Variants in PSPC1 observed in about 807,000 individuals in gnomAD.
PSPC1 encodes the protein paraspeckle protein 1.
Under a neutral mutation model 51.6 loss-of-function variants are expected in PSPC1, and 14 were observed. That is an observed-to-expected ratio of 0.27 (90% CI 0.18 to 0.42). PSPC1 has a LOEUF of 0.42. Among genes scored for constraint, PSPC1 ranks in the 10% least tolerant of loss-of-function variants. The pLI is 1.00. For missense variants in PSPC1, 406 were observed against 701.1 expected (o/e 0.58, Z 4.75); for synonymous variants, 193 against 231.9 (o/e 0.83, Z 1.53).
chr13:19,711,257 C>T (rs201403359), intron 6 of PSPC1, among the ~76,000 whole-genome samples: 35 of 152,190 alleles, frequency 2.3e-4, no homozygotes, highest in African/African-American at 8.2e-4. Context: ...CAGTGGCTCA[C>T]GCCAGTAATC....
intron 3 of PSPC1, among the ~76,000 whole-genome samples, chr13:19,753,151 C>T (rs1199689346): frequency 6.6e-6 from 1 of 151,778 alleles, no homozygotes; most frequent in African/African-American, 2.4e-5. Context: ...GGCGTGGTGG[C>T]GGGTGCCTGC....
chr13:19,687,783 C>T (rs1181343665), intron 6 of PSPC1, among the ~76,000 whole-genome samples: 3 of 152,076 alleles, frequency 2.0e-5, no homozygotes, highest in Admixed American at 1.3e-4. Context: ...CATTCAAATG[C>T]ATCCCACTGC....
At chr13:19,780,623 AAG>A (rs1328322343) in intron 1 of PSPC1, among the ~76,000 whole-genome samples, 23 of 124,610 alleles carry the variant, frequency 1.8e-4, no homozygotes, top group African/African-American at 6.7e-4. Context: ...CATGCTCGTT[AAG>A]AGTCATCACC....
intron 6 of PSPC1, among the ~76,000 whole-genome samples, chr13:19,695,105 G>A (rs557597963): frequency 7.9e-5 from 12 of 152,182 alleles, no homozygotes; most frequent in Non-Finnish European, 1.5e-4. Context: ...TCTATGCTGT[G>A]TTTATGACCT....
intron 6 of PSPC1, among the ~76,000 whole-genome samples, chr13:19,723,625 C>G (rs562149645): frequency 6.6e-6 from 1 of 152,254 alleles, no homozygotes; most frequent in Admixed American, 6.5e-5. Context: ...AACTCAACAC[C>G]TGGTTAAAAC....
chr13:19,717,973 A>G (rs1428330601), intron 6 of PSPC1, among the ~76,000 whole-genome samples: 2 of 151,998 alleles, frequency 1.3e-5, no homozygotes, highest in Non-Finnish European at 2.9e-5. Context: ...GAGGTCAGGA[A>G]TTAGAGGTAT....
chr13:19,730,247 T>C lies in PSPC1; in HGVS notation c.1150A>G (p.Met384Val), dbSNP rs372707662. The change falls in exon 6 of 9, where the codon ATG becomes GTG. Residue 384 changes from methionine (M) to valine (V), a missense_variant. Physicochemically the swap from Met to Val is conservative, Grantham distance 21. Around this residue, in one of 5 missense-constraint regions of PSPC1, gnomAD observed 61 missense variants for 78.4 expected, o/e 0.78. Coordinates refer to ENST00000338910, the MANE Select transcript of PSPC1 (RefSeq NM_001354909.2). ...RQQEGFKPNYMENREQEMRMG... is the reference protein window; with the variant it reads ...RQQEGFKPNYVENREQEMRMG... ...ACTAGTAGTTTACTTACATTTTCCA[T>C]GTAGTTTGGCTTAAAGCCCTCTTGC... 1.2e-6 allele frequency: 2 copies of C among 1,613,354 alleles called. No individual in the cohort carries two copies. Among genetic ancestry groups the C allele is most frequent in the Non-Finnish European group, 1.7e-6 (2 of 1,179,446 alleles).
intron 1 of PSPC1, among the ~76,000 whole-genome samples, chr13:19,779,930 C>G (rs1889724040): frequency 7.5e-6 from 1 of 132,680 alleles, no homozygotes; most frequent in African/African-American, 2.9e-5. Context: ...GCCCCCCGCC[C>G]GGCCAGCCGC....
At chr13:19,774,992 T>C (rs995608429) in intron 1 of PSPC1, among the ~76,000 whole-genome samples, 2 of 151,708 alleles carry the variant, frequency 1.3e-5, no homozygotes, top group African/African-American at 2.4e-5. Context: ...CTAGGCAACA[T>C]AGCAAGACCT....
Position 19,780,917 on chromosome 13 carries a change from G to A in PSPC1, c.372+1469C>T, listed in dbSNP as rs1369618955. ...TCACCCTGTAATCCCAGCACTTTGG[G>A]AGGCCAAGGCGGGAGGATCGTTTGA... On this transcript the variant is annotated intron_variant, in intron 1 of 8. Transcript: ENST00000338910. 5.9e-5 allele frequency among the ~76,000 whole-genome samples: 9 copies of A among 152,122 alleles called. No individual in the cohort carries two copies. The East Asian group carries it at 1.7e-3, about 29-fold the overall frequency.
intron 4 of PSPC1, among the ~76,000 whole-genome samples, chr13:19,747,848 C>T (rs1033923664): frequency 9.9e-5 from 15 of 152,118 alleles, no homozygotes; most frequent in Admixed American, 2.0e-4. Context: ...CATGTTTCTG[C>T]GGAACCACAC....
At chr13:19,672,068 A>G (rs1162866519), downstream of PSPC1, 5 of 607,772 alleles carry the variant, frequency 8.2e-6, no homozygotes, top group African/African-American at 5.5e-5. Flanking sequence ...ATCTCAGTGC[A>G]GTGTCCAGAC....
intron 6 of PSPC1, among the ~76,000 whole-genome samples, chr13:19,710,471 A>G (rs2137777264): frequency 6.6e-6 from 1 of 152,346 alleles, no homozygotes; most frequent in East Asian, 1.9e-4. Flanking sequence ...AGCAATCATG[A>G]AAAACATTCC....
chr13:19,762,112 A>G (rs1887652293), intron 2 of PSPC1, among the ~76,000 whole-genome samples: 2 of 152,230 alleles, frequency 1.3e-5, no homozygotes, highest in Admixed American at 1.3e-4. Context: ...TTGGACCACT[A>G]GACAACTCTT....
Position 19,730,267 on chromosome 13 carries a change from T to C in PSPC1, c.1130A>G (p.Glu377Gly), listed in dbSNP as rs932901457. ...TTCCATGTAGTTTGGCTTAAAGCCC[T>C]CTTGCTGTCGCCTCAGTTCCTCCTG... ...REQEELRRQQ[E>G]GFKPNYMENR... Residue 377 changes from glutamate (E) to glycine (G), a missense_variant, in exon 6 of 9, where the codon GAG becomes GGG. Coordinates refer to ENST00000338910, the MANE Select transcript of PSPC1 (RefSeq NM_001354909.2). The C allele has an allele frequency of 1.9e-6, 3 of 1,614,044 alleles. No homozygotes were observed. Among genetic ancestry groups the C allele is most frequent in the Non-Finnish European group, 2.5e-6 (3 of 1,180,024 alleles).
At chr13:19,777,171 T>C (rs1889237669) in intron 1 of PSPC1, among the ~76,000 whole-genome samples, 1 of 141,256 alleles carries the variant, frequency 7.1e-6, no homozygotes, top group African/African-American at 2.6e-5. Flanking sequence ...CCTGTACACC[T>C]GTAATCCCAG....
At chr13:19,716,251 G>A (rs751178802) in intron 6 of PSPC1, among the ~76,000 whole-genome samples, 7 of 152,118 alleles carry the variant, frequency 4.6e-5, no homozygotes, top group Non-Finnish European at 8.8e-5. Context: ...TTTTGTGGGT[G>A]TATATGTGTG....
At chr13:19,676,157 T>A (rs2137563187) in intron 7 of PSPC1, among the ~76,000 whole-genome samples, 1 of 152,296 alleles carries the variant, frequency 6.6e-6, no homozygotes, top group African/African-American at 2.4e-5. Context: ...TGTACACAAT[T>A]TTTTTTCCTT....
At chr13:19,684,629 T>C (rs2137605543) in intron 6 of PSPC1, among the ~76,000 whole-genome samples, 1 of 152,388 alleles carries the variant, frequency 6.6e-6, no homozygotes, top group East Asian at 1.9e-4. Flanking sequence ...ATCCATTACA[T>C]ATTCATGTGC....
Sources: gnomAD v4.1 joint callset for allele counts (sites outside exome capture counted in the v4.1 genomes callset) on GRCh38, gnomAD v4.1.1 for gene constraint, gnomAD v4.1.1 regional missense constraint, MANE v1.5 for transcripts, NCBI Gene and HGNC (gene_info 2026-07-23, HGNC 2026-07-21) for gene names.